The following AMPH variants were observed in gnomAD, a reference collection of about 807,000 sequenced individuals.
The protein encoded by AMPH is amphiphysin.
A neutral mutation model predicts 99.1 loss-of-function variants in AMPH; 49 were observed. The observed-to-expected ratio is 0.49, with a 90% CI of 0.39 to 0.63. AMPH has a LOEUF of 0.63. Among genes scored for constraint, AMPH ranks in the 20% least tolerant of loss-of-function variants. The pLI is 0.00. For synonymous variants in AMPH, 314 were observed against 317.3 expected (o/e 0.99, Z 0.11); for missense variants, 759 against 863.4 (o/e 0.88, Z 1.52).
intron 1 of AMPH, among the ~76,000 whole-genome samples, chr7:38,595,483 A>G (rs1461867834): frequency 6.6e-6 from 1 of 152,238 alleles, no homozygotes; most frequent in Non-Finnish European, 1.5e-5. Context: ...TACAGAGTAG[A>G]GGTTGTGGAG....
At chr7:38,500,650 T>C (rs560550028) in intron 3 of AMPH, among the ~76,000 whole-genome samples, 2 of 152,270 alleles carry the variant, frequency 1.3e-5, no homozygotes, top group Non-Finnish European at 2.9e-5. Flanking sequence ...CTTATCCACA[T>C]TTTCAAAAAA....
intron 16 of AMPH, among the ~76,000 whole-genome samples, chr7:38,419,760 C>G (rs1584064884): frequency 1.3e-5 from 2 of 152,272 alleles, no homozygotes; most frequent in South Asian, 4.2e-4. Context: ...AGATGCTGTT[C>G]ACTGCAAACT....
intron 1 of AMPH, among the ~76,000 whole-genome samples, chr7:38,619,335 C>A (rs192402633): frequency 1.2e-3 from 186 of 152,260 alleles, no homozygotes; most frequent in Non-Finnish European, 2.1e-3. Context: ...GACAAAAGGT[C>A]AATCTATGAA....
intron 1 of AMPH, among the ~76,000 whole-genome samples, chr7:38,583,817 C>A (rs2129056026): frequency 6.6e-6 from 1 of 152,358 alleles, no homozygotes; most frequent in East Asian, 1.9e-4. Context: ...GAAGCCCCTG[C>A]ACTGCTTACT....
chr7:38,605,024 T>C (rs1277156737), intron 1 of AMPH, among the ~76,000 whole-genome samples: 1 of 152,200 alleles, frequency 6.6e-6, no homozygotes, highest in Non-Finnish European at 1.5e-5. Flanking sequence ...ATTTATCACA[T>C]AAACACAAAT....
intron 2 of AMPH, among the ~76,000 whole-genome samples, chr7:38,519,290 C>A (rs749315857): frequency 2.0e-5 from 3 of 152,258 alleles, no homozygotes; most frequent in East Asian, 1.9e-4. Flanking sequence ...TTATTTCCAG[C>A]GATGCAGACA....
chr7:38,427,592 T>G (rs2128991233), intron 14 of AMPH, among the ~76,000 whole-genome samples: 1 of 151,910 alleles, frequency 6.6e-6, no homozygotes. Context: ...TCATTCCGCT[T>G]TGTGTGTATG....
At chr7:38,467,038 C>A (rs1463017878) in intron 7 of AMPH, among the ~76,000 whole-genome samples, 2 of 152,142 alleles carry the variant, frequency 1.3e-5, no homozygotes, top group Non-Finnish European at 2.9e-5. Flanking sequence ...AATACATGTG[C>A]ATATACCTAT....
chr7:38,518,848 T>A (rs547847539), intron 2 of AMPH, among the ~76,000 whole-genome samples: 622 of 152,284 alleles, frequency 4.1e-3, no homozygotes, highest in Non-Finnish European at 7.6e-3. Flanking sequence ...GGACATGAGT[T>A]TTGAGGGACC....
chr7:38,405,681 G>C (rs140129422), intron 17 of AMPH, among the ~76,000 whole-genome samples: 80 of 152,178 alleles, frequency 5.3e-4, no homozygotes, highest in African/African-American at 1.8e-3. Flanking sequence ...TATATAGAGA[G>C]ATACATATAC....
At chr7:38,590,158 G>T (rs1234737308) in intron 1 of AMPH, among the ~76,000 whole-genome samples, 2 of 152,156 alleles carry the variant, frequency 1.3e-5, no homozygotes, top group Non-Finnish European at 2.9e-5. Context: ...GAGCCATGCG[G>T]TGAGTGTTAT....
chr7:38,631,198 G>T, intron 1 of AMPH, 85 bp downstream of exon 1: 1 of 1,213,606 alleles, frequency 8.2e-7, no homozygotes, highest in Non-Finnish European at 1.0e-6. Context: ...CCCGAGGCTC[G>T]GGCCCCGCAC....
chr7:38,510,486 C>T (rs946896262), intron 2 of AMPH, among the ~76,000 whole-genome samples: 1 of 152,160 alleles, frequency 6.6e-6, no homozygotes, highest in Non-Finnish European at 1.5e-5. Context: ...AAGTCTAACA[C>T]CTACTGAGTG....
intron 1 of AMPH, among the ~76,000 whole-genome samples, chr7:38,621,817 T>G (rs1794077079): frequency 6.6e-6 from 1 of 152,166 alleles, no homozygotes; most frequent in African/African-American, 2.4e-5. Context: ...ATTTCAAAAC[T>G]AAGATCTTAT....
chr7:38,391,498 G>C (rs1451917660), intron 19 of AMPH, among the ~76,000 whole-genome samples: 5 of 152,132 alleles, frequency 3.3e-5, no homozygotes, highest in African/African-American at 4.8e-5. Flanking sequence ...GGCTGGAAAA[G>C]ACTCTCCCAT....
intron 2 of AMPH, among the ~76,000 whole-genome samples, chr7:38,528,683 G>A (rs1346912121): frequency 1.3e-5 from 2 of 151,702 alleles, no homozygotes; most frequent in East Asian, 3.9e-4. Context: ...TCAGACTTTT[G>A]TTTCATTTTT....
At chr7:38,390,983 GA>G in intron 19 of AMPH, among the ~76,000 whole-genome samples, 1 of 58,410 alleles carries the variant, frequency 1.7e-5, no homozygotes, top group South Asian at 4.4e-4. Flanking sequence ...GAGAGAGAGA[GA>G]GAGAGAGAGA....
rs780392713 is a variant in AMPH at position 38,391,771 on chromosome 7, A to G, written c.1855T>C (p.Leu619=). ...LASAREASQE[L]PPGFLYKVET... is the part of the protein sequence containing the mutation. ...ACCTTGTAGAGAAAGCCAGGAGGCA[A>G]TTCCTGAGAGGCCTCCCTTGCAGAT... The change falls in exon 19 of 21, where the codon TTG becomes CTG. Residue 619 remains leucine (L), a synonymous_variant. Coordinates refer to ENST00000356264, the MANE Select transcript of AMPH (RefSeq NM_001635.4). 5 of 1,613,888 alleles carry G rather than the reference A, an allele frequency of 3.1e-6. No homozygotes were observed. Among genetic ancestry groups the G allele is most frequent in the Non-Finnish European group, 4.2e-6 (5 of 1,179,938 alleles).
chr7:38,544,336 C>A (rs906633603), intron 1 of AMPH, among the ~76,000 whole-genome samples: 1 of 152,250 alleles, frequency 6.6e-6, no homozygotes, highest in African/African-American at 2.4e-5. Flanking sequence ...GAGCAAAAGG[C>A]CAAAGAGGAC....
Sources: gnomAD v4.1 joint callset for allele counts (sites outside exome capture counted in the v4.1 genomes callset) on GRCh38, gnomAD v4.1.1 for gene constraint, MANE v1.5 for transcripts, NCBI Gene and HGNC (gene_info 2026-07-23, HGNC 2026-07-21) for gene names.